Variants in PCYT1B observed in about 807,000 individuals in gnomAD.
PCYT1B encodes phosphate cytidylyltransferase 1B, choline.
PCYT1B carries 10 observed loss-of-function variants against 26.4 expected under a neutral mutation model. The observed-to-expected ratio is 0.38, with a 90% confidence interval of 0.23 to 0.64. The LOEUF (loss-of-function observed/expected upper bound fraction) is 0.64. Among genes scored for constraint, PCYT1B ranks in the 30% least tolerant of loss-of-function variants. The pLI is 0.56. For synonymous variants in PCYT1B, 131 were observed against 108.4 expected (o/e 1.21, Z -1.29); for missense variants, 161 against 292.7 (o/e 0.55, Z 3.28).
chrX:24,630,703 C>T (rs1330560191), intron 1 of PCYT1B, among the ~76,000 whole-genome samples: 1 of 112,013 alleles, frequency 8.9e-6, no homozygotes, highest in African/African-American at 3.2e-5. Flanking sequence ...CTTTAAGCTC[C>T]CAGTAGTCAC....
intron 1 of PCYT1B, among the ~76,000 whole-genome samples, chrX:24,670,096 GAAAGAAAGA>G (rs1569261845): frequency 6.6e-4 from 59 of 89,795 alleles, no homozygotes; most frequent in East Asian, 1.9e-3. Flanking sequence ...AAGAAAGAAA[GAAAGAAAGA>G]AAGAAAGAAA....
rs1171390756 is a variant in PCYT1B, at chrX:24,562,264, A to ATGGTGCGGC, written c.*20_*28dup. On this transcript the variant is annotated 3_prime_UTR_variant, in exon 8 of 8. Coordinates refer to ENST00000379144, the MANE Select transcript of PCYT1B (RefSeq NM_004845.5). The stretch of plus-strand genomic sequence containing the variant: ...ACTCTCGCCCTCCTCCCCATCCTGC[A>ATGGTGCGGC]TGGTGCGGCTCTTGCCTCCCAGCAG... 1 of 1,161,267 alleles carries ATGGTGCGGC rather than the reference A, an allele frequency of 8.6e-7. No homozygotes were observed. Among genetic ancestry groups the ATGGTGCGGC allele is most frequent in the South Asian group, 2.0e-5 (1 of 49,284 alleles).
At chrX:24,621,703 TG>T in intron 1 of PCYT1B, 1 of 143,300 alleles carries the variant, frequency 7.0e-6, no homozygotes, top group Non-Finnish European at 1.2e-5. Context: ...GATTGGCAAG[TG>T]GGATTAGCTT....
intron 1 of PCYT1B, among the ~76,000 whole-genome samples, chrX:24,629,717 G>T (rs1413658131): frequency 1.8e-5 from 2 of 109,730 alleles, no homozygotes; most frequent in African/African-American, 6.6e-5. Context: ...GGTGATCAGA[G>T]ATCAGAATTT....
intron 7 of PCYT1B, among the ~76,000 whole-genome samples, chrX:24,567,081 CT>C (rs1293006296): frequency 8.9e-6 from 1 of 112,193 alleles, no homozygotes; most frequent in Non-Finnish European, 1.9e-5. Flanking sequence ...CTAGCAGGCA[CT>C]TTAAAATATG....
chrX:24,606,616 C>T (rs1470396284), intron 3 of PCYT1B, among the ~76,000 whole-genome samples: 1 of 112,359 alleles, frequency 8.9e-6, no homozygotes, highest in Non-Finnish European at 1.9e-5. Context: ...GTAATGCCAG[C>T]ACTTTGGGAG....
rs755200942 is a variant in PCYT1B, at chrX:24,562,100, C to T, written c.*193G>A. On this transcript the variant is annotated 3_prime_UTR_variant, in exon 8 of 8. Transcript: ENST00000379144. ...GGTTGTCCAGCTAGAAGTCTCTGCA[C>T]CTCGCCCAACTCTTCAGCTGTACGG... The T allele has an allele frequency of 9.3e-5, 113 of 1,209,084 alleles. 1 individual carries two copies. The East Asian group carries it at 2.9e-3, about 31-fold the overall frequency.
intron 3 of PCYT1B, among the ~76,000 whole-genome samples, chrX:24,603,794 T>C (rs1458177271): frequency 8.9e-6 from 1 of 112,148 alleles, no homozygotes; most frequent in Non-Finnish European, 1.9e-5. Context: ...GCCTTTGTTT[T>C]GCATACAATC....
chrX:24,608,067 A>G (rs893136169), intron 2 of PCYT1B, among the ~76,000 whole-genome samples: 5 of 111,683 alleles, frequency 4.5e-5, no homozygotes, highest in Admixed American at 3.8e-4. Context: ...CAAACCAGGG[A>G]ACACACTATT....
At chrX:24,587,981 G>T (rs1048168524) in intron 4 of PCYT1B, among the ~76,000 whole-genome samples, 1 of 112,714 alleles carries the variant, frequency 8.9e-6, no homozygotes, top group Middle Eastern at 4.6e-3. Flanking sequence ...ACCACTTGCT[G>T]TCACTTTAAA....
At chrX:24,658,498 T>C (rs1416583449) in intron 1 of PCYT1B, among the ~76,000 whole-genome samples, 3 of 100,211 alleles carry the variant, frequency 3.0e-5, no homozygotes, top group African/African-American at 7.2e-5. Context: ...GGGGAAATTG[T>C]TTCATTGCTT....
intron 2 of PCYT1B, among the ~76,000 whole-genome samples, chrX:24,617,536 C>T (rs1171480297): frequency 9.6e-6 from 1 of 104,448 alleles, no homozygotes; most frequent in Admixed American, 1.0e-4. Context: ...CAACCTCCAC[C>T]TTCTGGATTC....
intron 3 of PCYT1B, among the ~76,000 whole-genome samples, chrX:24,591,422 A>G (rs983984001): frequency 1.8e-5 from 2 of 110,391 alleles, no homozygotes; most frequent in African/African-American, 6.6e-5. Flanking sequence ...TACTTACAAT[A>G]AATTCACTAA....
chrX:24,621,903 T>C (rs992092221), intron 1 of PCYT1B: 10 of 601,256 alleles, frequency 1.7e-5, no homozygotes, highest in African/African-American at 2.5e-5. Context: ...AAAACAGAGA[T>C]AGGGAACGTT....
chrX:24,650,342 A>G (rs1457229970), upstream of PCYT1B, among the ~76,000 whole-genome samples: 1 of 91,432 alleles, frequency 1.1e-5, no homozygotes, highest in Non-Finnish European at 2.1e-5. Flanking sequence ...TTTTTTTCAG[A>G]CAGGATCTTA....
intron 7 of PCYT1B, among the ~76,000 whole-genome samples, chrX:24,570,276 G>A (rs760134771): frequency 2.8e-5 from 3 of 108,387 alleles, no homozygotes; most frequent in South Asian, 8.3e-4. Context: ...TTTTTGAGGC[G>A]GAGTTTCACT....
In PCYT1B at chrX:24,597,128, C is replaced by CT. The variant is rs770072722; in HGVS notation, c.335-6955dup. On this transcript the variant is annotated intron_variant, in intron 3 of 7. Coordinates refer to ENST00000379144, the MANE Select transcript of PCYT1B (RefSeq NM_004845.5). ...CACACAGACTTTTCTTTTTTCTTTTCTTTTTTTTTTTTTTGAGATGGAGTC... is the reference window on the plus strand; with the variant it reads ...CACACAGACTTTTCTTTTTTCTTTTCTTTTTTTTTTTTTTTGAGATGGAGTC... 6.9e-3 allele frequency among the ~76,000 whole-genome samples: 698 copies of CT among 101,176 alleles called. 3 individuals carry two copies. The highest frequency in any genetic ancestry group is 0.017 in the South Asian group (40 of 2,328). The allele number at this position is 101,176 out of a possible 115,157, so 87.9% of individuals were successfully genotyped here. A position where few individuals can be genotyped will look rare whatever the true frequency, so the allele number is the denominator to read the frequency against.
At chrX:24,595,040 C>A (rs1364862631) in intron 3 of PCYT1B, among the ~76,000 whole-genome samples, 1 of 110,415 alleles carries the variant, frequency 9.1e-6, no homozygotes, top group Non-Finnish European at 1.9e-5. Flanking sequence ...TAATGTTAGC[C>A]ATTTACGAAT....
At chrX:24,640,211 G>A (rs772797504) in intron 1 of PCYT1B, among the ~76,000 whole-genome samples, 52 of 111,002 alleles carry the variant, frequency 4.7e-4, no homozygotes, top group Admixed American at 3.8e-3. Flanking sequence ...TCCAGCCTCC[G>A]CTCCCACCAC....
Sources: allele counts gnomAD v4.1 joint callset (sites outside exome capture counted in the v4.1 genomes callset), GRCh38; gene constraint gnomAD v4.1.1; transcripts MANE v1.5; gene names NCBI Gene and HGNC (gene_info 2026-07-23, HGNC 2026-07-21).